F13A1: variants seen among roughly 807,000 people sequenced by gnomAD.
F13A1 encodes the protein coagulation factor XIII A chain.
Under a neutral mutation model 80.1 loss-of-function variants are expected in F13A1, and 47 were observed. The ratio of observed to expected loss-of-function variants is 0.59; its 90% CI spans 0.46 to 0.75. F13A1 has a LOEUF of 0.75. Among genes scored for constraint, F13A1 ranks in the 30% least tolerant of loss-of-function variants. F13A1 has a pLI of 0.00. For missense variants in F13A1, 817 were observed against 930.4 expected (o/e 0.88, Z 1.59); for synonymous variants, 349 against 344.9 (o/e 1.01, Z -0.13).
At chr6:6,151,430 C>T (rs186171481) in intron 14 of F13A1, among the ~76,000 whole-genome samples, 16 of 152,280 alleles carry the variant, frequency 1.1e-4, no homozygotes, top group Admixed American at 9.8e-4. Flanking sequence ...AGAGACCATA[C>T]GTGAGTAGGT....
At chr6:6,170,674 G>A (rs1287351351) in intron 12 of F13A1, among the ~76,000 whole-genome samples, 1 of 152,070 alleles carries the variant, frequency 6.6e-6, no homozygotes, top group Non-Finnish European at 1.5e-5. Context: ...GTACGGAGAG[G>A]TTTAAGTTAT....
intron 3 of F13A1, among the ~76,000 whole-genome samples, chr6:6,272,444 C>A (rs1185322816): frequency 2.0e-5 from 3 of 152,188 alleles, no homozygotes; most frequent in African/African-American, 7.2e-5. Flanking sequence ...CTATCAATCA[C>A]TGCTCCCTCT....
chr6:6,274,749 A>T (rs1757965481), intron 3 of F13A1, among the ~76,000 whole-genome samples: 2 of 152,152 alleles, frequency 1.3e-5, no homozygotes. Flanking sequence ...CCAGAGGAGG[A>T]AGTGGCTAAC....
chr6:6,302,195 C>G (rs1322537843), intron 3 of F13A1, among the ~76,000 whole-genome samples: 3 of 152,006 alleles, frequency 2.0e-5, no homozygotes, highest in Admixed American at 2.0e-4. Flanking sequence ...TCTCCCCACC[C>G]TAAATATTTG....
At chr6:6,232,774 A>C (rs1388536465) in intron 6 of F13A1, among the ~76,000 whole-genome samples, 1 of 152,180 alleles carries the variant, frequency 6.6e-6, no homozygotes, top group Non-Finnish European at 1.5e-5. Flanking sequence ...ACACAGAAAT[A>C]AAACTGGAAA....
intron 8 of F13A1, among the ~76,000 whole-genome samples, chr6:6,210,807 C>T (rs1031502820): frequency 2.0e-5 from 3 of 152,116 alleles, no homozygotes; most frequent in African/African-American, 4.8e-5. Flanking sequence ...TGGCTTACTG[C>T]AACCTCTGTC....
At chr6:6,315,683 T>C (rs1758669755) in intron 2 of F13A1, among the ~76,000 whole-genome samples, 1 of 152,054 alleles carries the variant, frequency 6.6e-6, no homozygotes, top group Admixed American at 6.5e-5. Context: ...CTTTTCCTCT[T>C]CTTGCCTCTC....
At chr6:6,267,567 C>T (rs1429775758) in intron 3 of F13A1, among the ~76,000 whole-genome samples, 1 of 152,182 alleles carries the variant, frequency 6.6e-6, no homozygotes, top group Non-Finnish European at 1.5e-5. Context: ...GACGTGTAGA[C>T]ATCAAAGGCA....
intron 8 of F13A1, among the ~76,000 whole-genome samples, chr6:6,203,824 A>C (rs1048173959): frequency 6.6e-6 from 1 of 152,228 alleles, no homozygotes; most frequent in Non-Finnish European, 1.5e-5. Context: ...CAGAAGGGTT[A>C]AGGAAATGTT....
intron 4 of F13A1, 113 bp from the exon 5 acceptor site, chr6:6,251,042 T>TAA: frequency 2.4e-6 from 2 of 831,652 alleles, no homozygotes; most frequent in African/African-American, 1.7e-5. Flanking sequence ...GCCAAATTTT[T>TAA]AAAAAATGCC....
chr6:6,318,711 C>G (rs764834977), intron 1 of F13A1, 29 bp from the exon 2 acceptor site: 1 of 1,572,506 alleles, frequency 6.4e-7, no homozygotes, highest in East Asian at 2.3e-5. Flanking sequence ...AAGAAGACAA[C>G]AGAAAAGGCA....
intron 6 of F13A1, among the ~76,000 whole-genome samples, chr6:6,227,145 A>C (rs1479774196): frequency 6.6e-6 from 1 of 152,258 alleles, no homozygotes; most frequent in Non-Finnish European, 1.5e-5. Flanking sequence ...AGCATCTTTT[A>C]CTGTGAATGA....
chr6:6,247,405 G>GT (rs1296461054), intron 6 of F13A1, among the ~76,000 whole-genome samples: 1 of 152,064 alleles, frequency 6.6e-6, no homozygotes, highest in Non-Finnish European at 1.5e-5. Flanking sequence ...ATACCACCCA[G>GT]TTTAACATTT....
chr6:6,144,683 C>G lies in F13A1; in HGVS notation c.*936G>C, dbSNP rs1010375483. On this transcript the variant is annotated 3_prime_UTR_variant, in exon 15 of 15. Transcript: ENST00000264870. ...GCTGCAGTCCTTCTATATATCTGGT[C>G]ACTAGATCCGCCAGCTTCTTCAACT... is the stretch of plus-strand genomic sequence containing the variant. 1 of 152,232 alleles carries G rather than the reference C, an allele frequency of 6.6e-6. No individual in the cohort carries two copies. Among genetic ancestry groups the G allele is most frequent in the Non-Finnish European group, 1.5e-5 (1 of 68,028 alleles). 9.4% of individuals were successfully genotyped at this position (152,232 alleles called of 1,614,324 possible). A position where few individuals can be genotyped will look rare whatever the true frequency, so the allele number is the denominator to read the frequency against.
chr6:6,199,826 C>T (rs760922098), intron 8 of F13A1, among the ~76,000 whole-genome samples: 3 of 152,180 alleles, frequency 2.0e-5, no homozygotes, highest in South Asian at 2.1e-4. Context: ...GGCTGTCCCC[C>T]ACCCCTGAAG....
At chr6:6,163,083 A>T (rs1760601774) in intron 13 of F13A1, among the ~76,000 whole-genome samples, 1 of 152,188 alleles carries the variant, frequency 6.6e-6, no homozygotes, top group South Asian at 2.1e-4. Context: ...CCTTATCTTG[A>T]CTGAGCTGAG....
At position 6,153,153 on chromosome 6, in the gene F13A1, A is replaced by G. The variant is rs552290878; in HGVS notation, c.1909-1204T>C. Among the ~76,000 whole-genome samples the G allele has an allele frequency of 3.9e-5, 6 of 152,346 alleles. 2 individuals carry two copies. The highest frequency in any genetic ancestry group is 1.4e-4 in the African/African-American group (6 of 41,590). Reference sequence around the variant, plus strand: ...AATTAAGTCAATGGCTCAAAAATGGAATTTACTGGATGTCTGGATCTTCCA... The same window carrying G: ...AATTAAGTCAATGGCTCAAAAATGGGATTTACTGGATGTCTGGATCTTCCA... On this transcript the variant is annotated intron_variant, in intron 13 of 14. Coordinates refer to ENST00000264870, the MANE Select transcript of F13A1 (RefSeq NM_000129.4).
chr6:6,185,679 CAT>C (rs1224359784), intron 10 of F13A1, among the ~76,000 whole-genome samples: 1 of 152,034 alleles, frequency 6.6e-6, no homozygotes, highest in Non-Finnish European at 1.5e-5. Context: ...CCGCAATAAA[CAT>C]ATGTGTGCAT....
intron 2 of F13A1, among the ~76,000 whole-genome samples, chr6:6,316,417 G>A (rs186609982): frequency 8.9e-4 from 135 of 151,898 alleles, no homozygotes; most frequent in African/African-American, 3.2e-3. Flanking sequence ...ATCCCAGAAT[G>A]TCACTTGGGT....
Sources: gnomAD v4.1 joint callset for allele counts (sites outside exome capture counted in the v4.1 genomes callset) on GRCh38, gnomAD v4.1.1 for gene constraint, MANE v1.5 for transcripts, NCBI Gene and HGNC (gene_info 2026-07-23, HGNC 2026-07-21) for gene names.